Variants in MANBA observed in about 807,000 individuals in gnomAD.
MANBA encodes the protein beta-mannosidase.
In MANBA, 83 loss-of-function variants were observed where a neutral mutation model predicts 111.1. The observed-to-expected ratio is 0.75, with a 90% CI of 0.63 to 0.90. The LOEUF is 0.90. MANBA is among the 40% of genes least tolerant of loss of function. MANBA has a pLI of 0.00. For missense variants in MANBA, 1,036 were observed against 1,069.0 expected (o/e 0.97, Z 0.43); for synonymous variants, 370 against 378.7 (o/e 0.98, Z 0.27).
At chr4:102,727,479 A>T in intron 1 of MANBA, 1 of 1,518,680 alleles carries the variant, frequency 6.6e-7, no homozygotes. Flanking sequence ...AGGTCCAGAT[A>T]ACATGAGAAA....
At chr4:102,718,858 C>T (rs1722453266) in intron 4 of MANBA, among the ~76,000 whole-genome samples, 1 of 152,100 alleles carries the variant, frequency 6.6e-6, no homozygotes, top group Non-Finnish European at 1.5e-5. Flanking sequence ...AGCCACAAAA[C>T]CAGCAAGTTT....
intron 4 of MANBA, among the ~76,000 whole-genome samples, chr4:102,721,277 T>A (rs1339833967): frequency 6.6e-6 from 1 of 152,116 alleles, no homozygotes; most frequent in Non-Finnish European, 1.5e-5. Context: ...TGAGCCGAGA[T>A]CTCGCTACTG....
At chr4:102,671,945 C>A in intron 8 of MANBA, 1 of 405,798 alleles carries the variant, frequency 2.5e-6, no homozygotes, top group East Asian at 3.5e-5. Flanking sequence ...GTGCTCAAAC[C>A]AAGTAACAGG....
chr4:102,639,777 G>A lies in MANBA; in HGVS notation c.1950C>T (p.His650=). The part of the protein sequence containing the change: ...SRSEIVDQQG[H]TMGALYWQLN... ...ACTGCCAATAAAGTGCCCCCATCGTGTGCCCTTGCTGATCCACTATCTCGC... is the reference window on the plus strand; with the variant it reads ...ACTGCCAATAAAGTGCCCCCATCGTATGCCCTTGCTGATCCACTATCTCGC... Residue 650 remains histidine, a synonymous_variant, in exon 14 of 17, where the codon CAC becomes CAT. Coordinates refer to ENST00000647097, the MANE Select transcript of MANBA (RefSeq NM_005908.4). 3 of 1,614,080 alleles carry A rather than the reference G, an allele frequency of 1.9e-6. No homozygotes were observed. Among genetic ancestry groups the A allele is most frequent in the Non-Finnish European group, 2.5e-6 (3 of 1,180,000 alleles).
chr4:102,687,083 A>G (rs1465146211), intron 7 of MANBA, among the ~76,000 whole-genome samples: 6 of 152,112 alleles, frequency 3.9e-5, no homozygotes, highest in Admixed American at 3.9e-4. Flanking sequence ...AACTCAATGA[A>G]CAGAGTTGCC....
intron 5 of MANBA, among the ~76,000 whole-genome samples, chr4:102,713,640 G>A (rs1173584601): frequency 2.0e-5 from 3 of 152,162 alleles, no homozygotes; most frequent in South Asian, 2.1e-4. Flanking sequence ...AGTGGCTTAC[G>A]CCTGTAATCC....
chr4:102,681,170 C>T (rs923850637), intron 7 of MANBA, among the ~76,000 whole-genome samples: 11 of 152,090 alleles, frequency 7.2e-5, no homozygotes, highest in African/African-American at 2.7e-4. Context: ...AGGCTAACTA[C>T]TCCCCATCTC....
chr4:102,700,966 G>T (rs1269797013), intron 5 of MANBA, among the ~76,000 whole-genome samples: 1 of 151,948 alleles, frequency 6.6e-6, no homozygotes, highest in Non-Finnish European at 1.5e-5. Context: ...GGGTGTTAAA[G>T]TCTCCCATTA....
chr4:102,753,015 T>C (rs567517477), intron 1 of MANBA, among the ~76,000 whole-genome samples: 1 of 152,348 alleles, frequency 6.6e-6, no homozygotes, highest in East Asian at 1.9e-4. Flanking sequence ...ATCTGTTGCC[T>C]ACCACTTTTT....
chr4:102,690,794 A>AAT lies in MANBA; in HGVS notation c.674-25_674-24dup, dbSNP rs143832054. On this transcript the variant is annotated intron_variant, in intron 5 of 16. Transcript: ENST00000647097. The stretch of plus-strand genomic sequence containing the variant: ...TATCTAAAATATAAAAAGAAAAAGA[A>AAT]ATATATATATATATATATAATATGC... 0.013 allele frequency: 9,903 copies of AAT among 773,086 alleles called. 24 individuals carry two copies. The highest frequency in any genetic ancestry group is 0.041 in the Middle Eastern group (120 of 2,922). 47.9% of individuals were successfully genotyped at this position (773,086 alleles called of 1,614,324 possible). A position where few individuals can be genotyped will look rare whatever the true frequency, so the allele number is the denominator to read the frequency against.
At chr4:102,746,355 A>G (rs1029069948) in intron 1 of MANBA, among the ~76,000 whole-genome samples, 6 of 152,144 alleles carry the variant, frequency 3.9e-5, no homozygotes, top group Non-Finnish European at 8.8e-5. Flanking sequence ...TTTTTCCACA[A>G]TTTCAGCTCT....
chr4:102,751,731 G>C (rs936484580), intron 1 of MANBA: 1 of 540,990 alleles, frequency 1.8e-6, no homozygotes, highest in African/African-American at 1.9e-5. Flanking sequence ...AGGGGCAAAG[G>C]AATGGATCTT....
At chr4:102,736,087 T>C (rs947972018) in intron 1 of MANBA, among the ~76,000 whole-genome samples, 2 of 152,192 alleles carry the variant, frequency 1.3e-5, no homozygotes, top group East Asian at 1.9e-4. Flanking sequence ...TAGGTACTAT[T>C]ATCATACCCA....
intron 8 of MANBA, among the ~76,000 whole-genome samples, chr4:102,672,947 T>C (rs995137215): frequency 4.6e-5 from 7 of 152,310 alleles, no homozygotes; most frequent in Non-Finnish European, 1.0e-4. Flanking sequence ...TCCACTCTTT[T>C]TTGCTTTTGT....
chr4:102,705,137 A>C (rs1346037723), intron 5 of MANBA, among the ~76,000 whole-genome samples: 1 of 152,220 alleles, frequency 6.6e-6, no homozygotes, highest in Non-Finnish European at 1.5e-5. Flanking sequence ...AGCAGGGACC[A>C]GCTGAAAGCC....
At chr4:102,699,872 T>A (rs1489380377) in intron 5 of MANBA, among the ~76,000 whole-genome samples, 1 of 150,662 alleles carries the variant, frequency 6.6e-6, no homozygotes, top group Non-Finnish European at 1.5e-5. Flanking sequence ...GCTGGCCTCA[T>A]AAAATGAGTT....
chr4:102,656,898 C>T lies in MANBA; in HGVS notation c.1704+784G>A, dbSNP rs150743025. On this transcript the variant is annotated intron_variant, in intron 12 of 16. Coordinates refer to ENST00000647097, the MANE Select transcript of MANBA (RefSeq NM_005908.4). Reference sequence around the variant, plus strand: ...AAACTATAGACACAGAAAGTAGATTCGTAGTGCCTAAAACTGGGGAGGAGG... The same window carrying T: ...AAACTATAGACACAGAAAGTAGATTTGTAGTGCCTAAAACTGGGGAGGAGG... 4.7e-3 allele frequency among the ~76,000 whole-genome samples: 722 copies of T among 152,090 alleles called. 10 individuals are homozygous for T. Among genetic ancestry groups the T allele is most frequent in the African/African-American group, 0.016 (671 of 41,476 alleles).
intron 11 of MANBA, among the ~76,000 whole-genome samples, chr4:102,661,041 T>A (rs1730919833): frequency 6.6e-6 from 1 of 152,096 alleles, no homozygotes; most frequent in Admixed American, 6.6e-5. Context: ...TTCACTACCT[T>A]CCATTCTCCC....
chr4:102,749,711 G>C (rs905751930), intron 1 of MANBA, among the ~76,000 whole-genome samples: 2 of 152,168 alleles, frequency 1.3e-5, no homozygotes, highest in African/African-American at 4.8e-5. Context: ...TTTTCCAGAG[G>C]GTTGTTGCTG....
Sources: gnomAD v4.1 joint callset for allele counts (sites outside exome capture counted in the v4.1 genomes callset) on GRCh38, gnomAD v4.1.1 for gene constraint, MANE v1.5 for transcripts, NCBI Gene and HGNC (gene_info 2026-07-23, HGNC 2026-07-21) for gene names.